SPATA6L: variants seen among roughly 807,000 people sequenced by gnomAD.
SPATA6L encodes the protein spermatogenesis associated 6-like protein.
SPATA6L carries 68 observed loss-of-function variants against 49.2 expected under a neutral mutation model. That is an observed-to-expected ratio of 1.38 (90% CI 1.14 to 1.69). SPATA6L has a LOEUF of 1.69. Ranked by LOEUF, SPATA6L falls within the 40% of genes most tolerant of loss-of-function variation. The pLI is 0.00. For synonymous variants in SPATA6L, 198 were observed against 165.7 expected, an observed-to-expected ratio of 1.19 and a Z score of -1.50; for missense variants, 668 against 464.3, an observed-to-expected ratio of 1.44 and a Z score of -4.03.
chr9:4,611,314 C>T (rs1201190709), intron 9 of SPATA6L, among the ~76,000 whole-genome samples: 4 of 147,848 alleles, frequency 2.7e-5, no homozygotes, highest in Admixed American at 6.6e-5. Flanking sequence ...ACCCAAAGGA[C>T]TATAAATCAT....
intron 5 of SPATA6L, 108 bp downstream of exon 5, chr9:4,628,983 C>A: frequency 1.4e-6 from 1 of 714,750 alleles, no homozygotes; most frequent in Non-Finnish European, 2.3e-6. Flanking sequence ...CAGGTTTCTA[C>A]TTGTTTAGTT....
rs1313507093 is a variant in SPATA6L at position 4,662,032 on chromosome 9, G to A, written c.44C>T (p.Ser15Phe). The change falls in exon 2 of 12, where the codon TCT (serine) becomes TTT (phenylalanine). Residue 15 changes from serine (S) to phenylalanine (F), a missense_variant. Transcript: ENST00000682582. This position sits in a 1 kb window ranked among gnomAD's most constrained non-coding sequence, Gnocchi z 4.9. ...GCCAGGCAGGAACACTCCTGGGCAA[G>A]AAATCTTAAAAAGAAAGAAAACAAC... ...VVVELQIRAI[S>F]CPGVFLPGKQ... 6.2e-7 allele frequency: 1 copy of A among 1,612,996 alleles called. No homozygotes were observed. The highest frequency in any genetic ancestry group is 1.3e-5 in the African/African-American group (1 of 74,828).
chr9:4,616,699 C>T (rs1291141020), intron 9 of SPATA6L, among the ~76,000 whole-genome samples: 2 of 152,204 alleles, frequency 1.3e-5, no homozygotes, highest in African/African-American at 4.8e-5. Context: ...AATTCTCCTG[C>T]CTCAGCCTCC....
chr9:4,594,204 G>A (rs1287332309), downstream of SPATA6L, among the ~76,000 whole-genome samples: 1 of 152,026 alleles, frequency 6.6e-6, no homozygotes, highest in Non-Finnish European at 1.5e-5. Flanking sequence ...TGGGAATTGT[G>A]GGTTTTTGTT....
rs1192211260 is a variant in SPATA6L at position 4,666,235 on chromosome 9, C to G, written c.16G>C (p.Val6Leu). 6.2e-7 allele frequency: 1 copy of G among 1,614,186 alleles called. No homozygotes were observed. Among genetic ancestry groups the G allele is most frequent in the Admixed American group, 1.7e-5 (1 of 60,028 alleles). Residue 6 changes from valine to leucine, a missense_variant, in exon 1 of 12, where the codon GTG becomes CTG. By Grantham distance (32) the Val-to-Leu change is conservative. Coordinates refer to ENST00000682582, the MANE Select transcript of SPATA6L (RefSeq NM_001353486.2). MPLEV[V>L]VELQIRAISC... ...ACCGCCCGGATCTGCAGCTCCACCA[C>G]CACCTCCAGAGGCATCGTTCCCTGC... is the stretch of plus-strand genomic sequence containing the variant.
chr9:4,645,170 G>C (rs911098075), intron 3 of SPATA6L, among the ~76,000 whole-genome samples: 12 of 152,102 alleles, frequency 7.9e-5, no homozygotes, highest in Middle Eastern at 3.2e-3. Flanking sequence ...AAAATAGTTT[G>C]GCAGTTCCTC....
chr9:4,650,672 G>GTTT (rs1476048587), intron 3 of SPATA6L, among the ~76,000 whole-genome samples: 2 of 152,086 alleles, frequency 1.3e-5, no homozygotes, highest in Non-Finnish European at 2.9e-5. Flanking sequence ...TTGTTTGTTT[G>GTTT]TTTTTGAGAC....
chr9:4,663,794 T>G (rs1269657523), intron 1 of SPATA6L: 1 of 167,066 alleles, frequency 6.0e-6, no homozygotes, highest in African/African-American at 2.4e-5. Context: ...TTGCCACAGT[T>G]GGGAGATTTC....
At chr9:4,648,764 T>C (rs952096639) in intron 3 of SPATA6L, among the ~76,000 whole-genome samples, 1 of 151,738 alleles carries the variant, frequency 6.6e-6, no homozygotes, top group Admixed American at 6.6e-5. Context: ...GAGATTTTGG[T>C]GCACCCATCA....
Position 4,662,576 on chromosome 9 carries a change from C to G in SPATA6L, c.40-540G>C. On this transcript the variant is annotated intron_variant, in intron 1 of 11. Transcript: ENST00000682582. The surrounding 1 kb of genome is among the most constrained non-coding windows in gnomAD (Gnocchi z 4.9). ...GTGCATCGGAGAGCCCAGTTCACCGCCGCGGCTCCTTCCCCCTGGCCGCGG... is the reference window on the plus strand; with the variant it reads ...GTGCATCGGAGAGCCCAGTTCACCGGCGCGGCTCCTTCCCCCTGGCCGCGG... 1.3e-6 allele frequency: 2 copies of G among 1,589,296 alleles called. No individual in the cohort carries two copies. Among genetic ancestry groups the G allele is most frequent in the South Asian group, 2.2e-5 (2 of 90,110 alleles).
At chr9:4,590,036 G>A (rs368333299) in intron 13 of SPATA6L, among the ~76,000 whole-genome samples, 79 of 152,216 alleles carry the variant, frequency 5.2e-4, no homozygotes, top group African/African-American at 1.7e-3. Flanking sequence ...TGATTCTCCC[G>A]CCTCAGCCTC....
intron 5 of SPATA6L, chr9:4,626,589 G>A (rs1323096143): frequency 7.8e-7 from 1 of 1,280,888 alleles, no homozygotes; most frequent in Admixed American, 2.4e-5. Flanking sequence ...CAGTTACTCT[G>A]TCATTTCAGT....
intron 3 of SPATA6L, among the ~76,000 whole-genome samples, chr9:4,637,955 T>C (rs1028260669): frequency 1.3e-5 from 2 of 152,216 alleles, no homozygotes; most frequent in African/African-American, 4.8e-5. Context: ...TTTCCAATAA[T>C]TTATTTTCAT....
In SPATA6L at chr9:4,662,546, G is replaced by A. The variant is rs1206314892; in HGVS notation, c.40-510C>T. On this transcript the variant is annotated intron_variant, in intron 1 of 11. Transcript: ENST00000682582. This position sits in a 1 kb window ranked among gnomAD's most constrained non-coding sequence, Gnocchi z 4.9. ...CGGCCGTGGACCCCACCTGCGCCCG[G>A]CTCCGTGCATCGGAGAGCCCAGTTC... 4.5e-6 allele frequency: 7 copies of A among 1,572,446 alleles called. No homozygotes were observed. Among genetic ancestry groups the A allele is most frequent in the Non-Finnish European group, 6.0e-6 (7 of 1,168,632 alleles).
intron 7 of SPATA6L, among the ~76,000 whole-genome samples, chr9:4,619,991 A>G (rs1375881608): frequency 6.6e-6 from 1 of 152,098 alleles, no homozygotes; most frequent in African/African-American, 2.4e-5. Context: ...ATGACAAGGG[A>G]CTTTTTCTGG....
chr9:4,644,461 T>A (rs569893656), intron 3 of SPATA6L, among the ~76,000 whole-genome samples: 158 of 152,056 alleles, frequency 1.0e-3, no homozygotes, highest in African/African-American at 3.5e-3. Context: ...AAATTCCATA[T>A]CTATGTGTTC....
intron 2 of SPATA6L, among the ~76,000 whole-genome samples, chr9:4,658,716 G>C (rs1290723633): frequency 2.0e-5 from 3 of 152,170 alleles, no homozygotes; most frequent in African/African-American, 4.8e-5. Flanking sequence ...TTACAGGCCA[G>C]ATGCAGTGGC....
chr9:4,609,680 G>C (rs1352045816), intron 9 of SPATA6L, among the ~76,000 whole-genome samples: 1 of 151,082 alleles, frequency 6.6e-6, no homozygotes, highest in Non-Finnish European at 1.5e-5. Flanking sequence ...CAAACCCAAA[G>C]CCAATATCAT....
intron 9 of SPATA6L, among the ~76,000 whole-genome samples, chr9:4,613,810 C>T (rs1827337745): frequency 6.6e-6 from 1 of 152,148 alleles, no homozygotes; most frequent in African/African-American, 2.4e-5. Flanking sequence ...TCTTGAATTC[C>T]TGACCTCAAG....
Sources: gnomAD v4.1 joint callset for allele counts (sites outside exome capture counted in the v4.1 genomes callset) on GRCh38, gnomAD v4.1.1 for gene constraint, Gnocchi (gnomAD v3.1) non-coding constraint, MANE v1.5 for transcripts, NCBI Gene and HGNC (gene_info 2026-07-23, HGNC 2026-07-21) for gene names.